KPNA1: variants seen among roughly 807,000 people sequenced by gnomAD.
The protein encoded by KPNA1 is karyopherin subunit alpha 1.
In KPNA1, 10 loss-of-function variants were observed where a neutral mutation model predicts 70.5. The ratio of observed to expected loss-of-function variants is 0.14; its 90% CI spans 0.09 to 0.24. The LOEUF (loss-of-function observed/expected upper bound fraction) is 0.24, where lower values mean the gene tolerates loss of function less well. Ranked by LOEUF, KPNA1 falls within the 10% of genes least tolerant of loss-of-function variation. The pLI is 1.00. For missense variants in KPNA1, 397 were observed against 637.9 expected (o/e 0.62, Z 4.07); for synonymous variants, 192 against 221.9 (o/e 0.87, Z 1.20).
chr3:122,424,965 G>A lies in KPNA1; in HGVS notation c.*2020C>T, dbSNP rs1206582016. On this transcript the variant is annotated 3_prime_UTR_variant, in exon 14 of 14. Coordinates refer to ENST00000344337, the MANE Select transcript of KPNA1 (RefSeq NM_002264.4). The stretch of plus-strand genomic sequence containing the variant: ...CCTAATTTATCCCTAAAATTACAAA[G>A]AATCAGTCTTTTACAGGTCAAGTGC... 3 of 152,574 alleles carry A rather than the reference G, an allele frequency of 2.0e-5. No individual in the cohort carries two copies. The highest frequency in any genetic ancestry group is 1.9e-4 in the East Asian group (1 of 5,198). The allele number at this position is 152,574 out of a possible 1,614,324, so 9.5% of individuals were successfully genotyped here.
At chr3:122,500,825 T>G (rs2076820332) in intron 1 of KPNA1, among the ~76,000 whole-genome samples, 2 of 151,932 alleles carry the variant, frequency 1.3e-5, no homozygotes, top group Admixed American at 1.3e-4. Flanking sequence ...TGTTGAGTTT[T>G]TCTCAATCTA....
intron 4 of KPNA1, among the ~76,000 whole-genome samples, chr3:122,462,826 T>G (rs1250855871): frequency 1.3e-5 from 2 of 152,086 alleles, no homozygotes; most frequent in African/African-American, 4.8e-5. Context: ...TACTGGGGGG[T>G]TTAAGTATTT....
chr3:122,451,669 C>T (rs1272351049), intron 7 of KPNA1, 36 bp from the exon 8 acceptor site: 1 of 1,328,574 alleles, frequency 7.5e-7, no homozygotes, highest in South Asian at 1.2e-5. Context: ...AACTATGTAA[C>T]AGACAGTGAT....
intron 12 of KPNA1, among the ~76,000 whole-genome samples, chr3:122,429,557 A>G (rs1327052543): frequency 6.6e-6 from 1 of 151,828 alleles, no homozygotes; most frequent in Non-Finnish European, 1.5e-5. Flanking sequence ...AAAACTGATG[A>G]TCTAAAAAAA....
At chr3:122,442,414 T>G (rs2076076693) in intron 9 of KPNA1, among the ~76,000 whole-genome samples, 1 of 152,220 alleles carries the variant, frequency 6.6e-6, no homozygotes, top group Non-Finnish European at 1.5e-5. Context: ...ATAGGTTTCA[T>G]TTCCTCTTTA....
chr3:122,496,575 A>T lies in KPNA1; in HGVS notation c.-5-5T>A, dbSNP rs2076763927. 6.2e-7 allele frequency: 1 copy of T among 1,612,686 alleles called. No homozygotes were observed. The highest frequency in any genetic ancestry group is 8.5e-7 in the Non-Finnish European group (1 of 1,179,198). ...TTCCTGGGGTGGTCATGATTTCTAC[A>T]ATACAAGTGGGGAGAGAACAAATGA... is the stretch of plus-strand genomic sequence containing the variant. On this transcript the variant is annotated splice_polypyrimidine_tract_variant and splice_region_variant and intron_variant, in intron 1 of 13. Coordinates refer to ENST00000344337, the MANE Select transcript of KPNA1 (RefSeq NM_002264.4).
At position 122,437,244 on chromosome 3, in the gene KPNA1, G is replaced by A. The variant is rs758586479; in HGVS notation, c.1048C>T (p.Pro350Ser). The A allele has an allele frequency of 1.9e-6, 3 of 1,613,348 alleles. No individual in the cohort carries two copies. The highest frequency in any genetic ancestry group is 2.7e-5 in the African/African-American group (2 of 74,822). ...GCTTCCTTTTTGATAGATTCCTTTGGGCTACTCAGCAAATGCAATAAACTC... is the reference window on the plus strand; with the variant it reads ...GCTTCCTTTTTGATAGATTCCTTTGAGCTACTCAGCAAATGCAATAAACTC... ...LQSLLHLLSS[P>S]KESIKKEACW... is the part of the protein sequence containing the mutation. Residue 350 changes from proline to serine, a missense_variant, in exon 11 of 14, where the codon CCA becomes TCA. Transcript: ENST00000344337.
At chr3:122,472,911 T>C (rs1413807363) in intron 2 of KPNA1, among the ~76,000 whole-genome samples, 1 of 151,726 alleles carries the variant, frequency 6.6e-6, no homozygotes, top group Non-Finnish European at 1.5e-5. Context: ...CAAAACCCCG[T>C]TTCCACTAAA....
intron 1 of KPNA1, among the ~76,000 whole-genome samples, chr3:122,512,728 TAAATA>T (rs932463766): frequency 2.0e-5 from 3 of 152,132 alleles, no homozygotes; most frequent in Non-Finnish European, 4.4e-5. Context: ...AAAAAATAAA[TAAATA>T]AAATAAAAAA....
At chr3:122,486,331 A>C (rs1255955120) in intron 2 of KPNA1, among the ~76,000 whole-genome samples, 1 of 152,238 alleles carries the variant, frequency 6.6e-6, no homozygotes, top group Non-Finnish European at 1.5e-5. Context: ...ACAATAAGTG[A>C]ATACCAAAAT....
intron 4 of KPNA1, 111 bp from the exon 5 acceptor site, chr3:122,461,429 G>C (rs2076322856): frequency 1.5e-6 from 1 of 660,234 alleles, no homozygotes; most frequent in Non-Finnish European, 2.7e-6. Flanking sequence ...TCTCATGCTG[G>C]AAATCTACCT....
At chr3:122,428,627 G>T (rs903777547) in intron 12 of KPNA1, among the ~76,000 whole-genome samples, 2 of 152,180 alleles carry the variant, frequency 1.3e-5, no homozygotes, top group Non-Finnish European at 2.9e-5. Flanking sequence ...TGATCATTCA[G>T]ATGATAAAAT....
At chr3:122,484,194 G>A (rs1335328647) in intron 2 of KPNA1, among the ~76,000 whole-genome samples, 1 of 152,148 alleles carries the variant, frequency 6.6e-6, no homozygotes. Flanking sequence ...TACTGGTACT[G>A]GACAGCCTCT....
intron 6 of KPNA1, among the ~76,000 whole-genome samples, chr3:122,452,568 A>AAGAG (rs2076216717): frequency 3.7e-5 from 1 of 27,244 alleles, no homozygotes; most frequent in Non-Finnish European, 6.8e-5. Flanking sequence ...GAGGGAGGGA[A>AAGAG]GGAGGGAAGG....
chr3:122,512,345 C>G (rs1027799120), intron 1 of KPNA1, among the ~76,000 whole-genome samples: 5 of 152,054 alleles, frequency 3.3e-5, no homozygotes, highest in African/African-American at 1.2e-4. Flanking sequence ...TTTAATGGCC[C>G]CTTTGGTAAG....
At chr3:122,466,174 T>C (rs972457993) in intron 3 of KPNA1, among the ~76,000 whole-genome samples, 1 of 152,022 alleles carries the variant, frequency 6.6e-6, no homozygotes, top group African/African-American at 2.4e-5. Context: ...CTGGTTCATG[T>C]AAACTGGAGA....
Position 122,458,747 on chromosome 3 carries a change from A to C in KPNA1, c.432+2477T>G, listed in dbSNP as rs139530663. ...AAGGAGTAACCTCCAAGCTTCCCAG[A>C]GCATGTCTAATTATTTGAAAGCATG... On this transcript the variant is annotated intron_variant, in intron 5 of 13. Transcript: ENST00000344337. 3.3e-3 allele frequency among the ~76,000 whole-genome samples: 496 copies of C among 152,298 alleles called. 3 individuals are homozygous for C. The highest frequency in any genetic ancestry group is 0.011 in the African/African-American group (476 of 41,558).
chr3:122,472,149 A>T (rs1483882892), intron 2 of KPNA1, among the ~76,000 whole-genome samples: 1 of 152,188 alleles, frequency 6.6e-6, no homozygotes, highest in East Asian at 1.9e-4. Context: ...ACATTTTTAC[A>T]CTCATAGGAT....
At chr3:122,501,032 T>C (rs1479084030) in intron 1 of KPNA1, among the ~76,000 whole-genome samples, 3 of 57,932 alleles carry the variant, frequency 5.2e-5, no homozygotes, top group Non-Finnish European at 8.9e-5. Flanking sequence ...TTTCTTTCCT[T>C]TTTTTTTTTT....
Sources: gnomAD v4.1 joint callset for allele counts (sites outside exome capture counted in the v4.1 genomes callset) on GRCh38, gnomAD v4.1.1 for gene constraint, MANE v1.5 for transcripts, NCBI Gene and HGNC (gene_info 2026-07-23, HGNC 2026-07-21) for gene names.